Variants in FBXO34 observed in about 807,000 individuals in gnomAD.
The protein encoded by FBXO34 is F-box protein 34.
Under a neutral mutation model 24.5 loss-of-function variants are expected in FBXO34, and 12 were observed. That is an observed-to-expected ratio of 0.49 (90% confidence interval 0.31 to 0.79). The LOEUF is 0.79. FBXO34 is among the 30% of genes least tolerant of loss of function. The pLI is 0.04. For missense variants in FBXO34, 823 were observed against 857.7 expected (o/e 0.96, Z 0.51); for synonymous variants, 320 against 311.9 (o/e 1.03, Z -0.27).
downstream of FBXO34, among the ~76,000 whole-genome samples, chr14:55,372,566 CCTT>C (rs1044738686): frequency 6.9e-6 from 1 of 144,404 alleles, no homozygotes; most frequent in South Asian, 2.1e-4. Flanking sequence ...TCCCTCCCTC[CCTT>C]CTTTCCATCC....
the FBXO34 span, among the ~76,000 whole-genome samples, chr14:55,399,829 C>G: frequency 1.3e-5 from 2 of 152,188 alleles, no homozygotes. Flanking sequence ...TGTAAAAATG[C>G]CACTTTGCTC....
chr14:55,419,714 A>G, the FBXO34 span, among the ~76,000 whole-genome samples: 1 of 152,344 alleles, frequency 6.6e-6, no homozygotes, highest in East Asian at 1.9e-4. Flanking sequence ...ATATGGATAA[A>G]TTATTTTCAA....
downstream of FBXO34, among the ~76,000 whole-genome samples, chr14:55,373,397 G>A (rs1271248493): frequency 6.6e-6 from 1 of 152,132 alleles, no homozygotes; most frequent in Admixed American, 6.6e-5. Flanking sequence ...CAAAGGATAA[G>A]CAATGGGCAA....
At chr14:55,429,766 C>CAAAAAA in the FBXO34 span, among the ~76,000 whole-genome samples, 27 of 52,352 alleles carry the variant, frequency 5.2e-4, no homozygotes, top group Non-Finnish European at 7.5e-4. Flanking sequence ...AACTCCGTCT[C>CAAAAAA]AAAAAAAAAA....
At chr14:55,411,766 G>C in the FBXO34 span, 1 of 1,606,348 alleles carries the variant, frequency 6.2e-7, no homozygotes, top group Non-Finnish European at 8.5e-7. Flanking sequence ...CGAGCGGCCG[G>C]GGCCCGCAGC....
At chr14:55,361,311 T>G (rs1884592424) in intron 3 of FBXO34, among the ~76,000 whole-genome samples, 2 of 152,228 alleles carry the variant, frequency 1.3e-5, no homozygotes, top group African/African-American at 4.8e-5. Context: ...AGTAATAATT[T>G]GAAAGGAATC....
At chr14:55,399,638 T>A in the FBXO34 span, among the ~76,000 whole-genome samples, 2 of 152,244 alleles carry the variant, frequency 1.3e-5, no homozygotes, top group Non-Finnish European at 2.9e-5. Flanking sequence ...TTTCCTTGTA[T>A]CAAAAATGAG....
chr14:55,378,155 G>C, the FBXO34 span: 1 of 1,177,286 alleles, frequency 8.5e-7, no homozygotes. Flanking sequence ...AGTACAATTA[G>C]GTATAACACA....
At chr14:55,367,602 G>T (rs1170332721) in exon 3 of FBXO34, 2 of 152,162 alleles carry the variant, frequency 1.3e-5, no homozygotes, top group African/African-American at 4.8e-5. Flanking sequence ...AAATTAGCTG[G>T]GCATGATGGC....
At chr14:55,337,713 A>G (rs994985282) in intron 1 of FBXO34, among the ~76,000 whole-genome samples, 11 of 152,252 alleles carry the variant, frequency 7.2e-5, no homozygotes, top group African/African-American at 2.7e-4. Context: ...GGGAAGTTAA[A>G]TATTTGATAA....
intron 1 of FBXO34, among the ~76,000 whole-genome samples, chr14:55,300,960 T>C (rs1882332353): frequency 6.6e-6 from 1 of 152,256 alleles, no homozygotes; most frequent in African/African-American, 2.4e-5. Flanking sequence ...TAGAATTTGA[T>C]TTAAATACTA....
chr14:55,417,823 C>T, the FBXO34 span, among the ~76,000 whole-genome samples: 1 of 152,148 alleles, frequency 6.6e-6, no homozygotes, highest in South Asian at 2.1e-4. Context: ...ACCTTGGTGA[C>T]TAAGGTGAAA....
At chr14:55,355,478 A>G (rs1384718956), downstream of FBXO34, among the ~76,000 whole-genome samples, 1 of 152,198 alleles carries the variant, frequency 6.6e-6, no homozygotes, top group Non-Finnish European at 1.5e-5. Flanking sequence ...TCGCAGATTC[A>G]ACCAGCCTCA....
chr14:55,413,956 T>A, the FBXO34 span: 1 of 502,116 alleles, frequency 2.0e-6, no homozygotes, highest in South Asian at 1.5e-5. Flanking sequence ...ATCACCTTTT[T>A]CGTAGATTCG....
the FBXO34 span, among the ~76,000 whole-genome samples, chr14:55,396,947 C>G: frequency 1.8e-4 from 27 of 152,252 alleles, no homozygotes; most frequent in African/African-American, 6.5e-4. Flanking sequence ...AATTTTTAAC[C>G]ATTAACTCAG....
At chr14:55,436,624 G>A in the FBXO34 span, 1 of 1,614,214 alleles carries the variant, frequency 6.2e-7, no homozygotes, top group Non-Finnish European at 8.5e-7. Flanking sequence ...GGGAGTTATG[G>A]ATGCCAGAGA....
In FBXO34 at chr14:55,352,941, C is replaced by A; in HGVS notation, c.*415C>A. ...CATATTTGAAATAAGTGAATATTGT[C>A]CTGTGAAAAGAATAGCAGGACTTTT... On this transcript the variant is annotated 3_prime_UTR_variant, in exon 2 of 2. Transcript: ENST00000313833. The A allele has an allele frequency of 5.7e-6, 1 of 174,488 alleles. No individual in the cohort carries two copies. The highest frequency in any genetic ancestry group is 1.4e-5 in the Non-Finnish European group (1 of 72,762). The allele number at this position is 174,488 out of a possible 1,614,324, so 10.8% of individuals were successfully genotyped here. A position where few individuals can be genotyped will look rare whatever the true frequency, so the allele number is the denominator to read the frequency against.
At chr14:55,311,413 C>T (rs1594744121) in intron 1 of FBXO34, among the ~76,000 whole-genome samples, 2 of 152,274 alleles carry the variant, frequency 1.3e-5, no homozygotes, top group African/African-American at 4.8e-5. Flanking sequence ...TTTCCTGGCC[C>T]TTCCTAATCT....
At chr14:55,382,185 G>T in the FBXO34 span, 1 of 1,614,106 alleles carries the variant, frequency 6.2e-7, no homozygotes, top group Non-Finnish European at 8.5e-7. Flanking sequence ...ACACATCTGC[G>T]GGGTCTCTAC....
Sources: gnomAD v4.1 joint callset for allele counts (sites outside exome capture counted in the v4.1 genomes callset) on GRCh38, gnomAD v4.1.1 for gene constraint, MANE v1.5 for transcripts, NCBI Gene and HGNC (gene_info 2026-07-23, HGNC 2026-07-21) for gene names.